The following ATG12 variants were observed in gnomAD, a reference collection of about 807,000 sequenced individuals.
ATG12 encodes autophagy related 12, also known as ubiquitin-like protein ATG12.
Under a neutral mutation model 17.6 loss-of-function variants are expected in ATG12, and 19 were observed. The observed-to-expected ratio is 1.08, with a 90% CI of 0.75 to 1.58. The LOEUF (loss-of-function observed/expected upper bound fraction) is 1.58, where lower values mean the gene tolerates loss of function less well. ATG12 is among the 40% of genes most tolerant of loss of function. The pLI is 0.00. For synonymous variants in ATG12, 75 were observed against 62.4 expected (o/e 1.20, Z -0.95); for missense variants, 214 against 162.0 (o/e 1.32, Z -1.74).
intron 2 of ATG12, chr5:115,835,308 G>A (rs566563701): frequency 1.4e-4 from 22 of 152,172 alleles, no homozygotes; most frequent in African/African-American, 4.6e-4. Flanking sequence ...AACACTGTAC[G>A]GGATTTGACC....
intron 2 of ATG12, chr5:115,834,068 T>C (rs1339262173): frequency 1.3e-5 from 2 of 152,212 alleles, no homozygotes; most frequent in East Asian, 3.8e-4. Flanking sequence ...AAATGTACAC[T>C]ACTCTAGCCT....
chr5:115,832,362 C>T (rs1027401211), intron 3 of ATG12, among the ~76,000 whole-genome samples: 3 of 151,814 alleles, frequency 2.0e-5, no homozygotes, highest in Non-Finnish European at 1.5e-5. Context: ...TAATTTATTC[C>T]TTGGTTCTTC....
intron 1 of ATG12, among the ~76,000 whole-genome samples, chr5:115,840,337 G>A (rs1404429664): frequency 2.2e-5 from 3 of 138,676 alleles, no homozygotes; most frequent in Non-Finnish European, 4.6e-5. Flanking sequence ...CGCTCTTGTT[G>A]TCCAGGCTGG....
At position 115,830,401 on chromosome 5, in the gene ATG12, G is replaced by A. The variant is rs1159025185; in HGVS notation, c.*1403C>T. ...GAATATAATTAAATATATTCCTTCAGTAAACTGAACTGGACAAAACTAGAG... is the reference window on the plus strand; with the variant it reads ...GAATATAATTAAATATATTCCTTCAATAAACTGAACTGGACAAAACTAGAG... On this transcript the variant is annotated 3_prime_UTR_variant, in exon 4 of 4. Coordinates refer to ENST00000509910, the MANE Select transcript of ATG12 (RefSeq NM_004707.4). The A allele has an allele frequency of 6.6e-6, 1 of 151,940 alleles. No individual in the cohort carries two copies. Among genetic ancestry groups the A allele is most frequent in the Non-Finnish European group, 1.5e-5 (1 of 68,002 alleles). 9.4% of individuals were successfully genotyped at this position (151,940 alleles called of 1,614,324 possible).
intron 2 of ATG12, chr5:115,835,241 G>A (rs1761044514): frequency 6.6e-6 from 1 of 152,010 alleles, no homozygotes; most frequent in Admixed American, 6.5e-5. Context: ...GTATATTTCT[G>A]GCTTGATTTC....
intron 2 of ATG12, chr5:115,832,932 A>T (rs1170933137): frequency 6.8e-6 from 2 of 294,276 alleles, no homozygotes; most frequent in African/African-American, 4.3e-5. Context: ...TATTTTTTAC[A>T]AATAGCTTTT....
At chr5:115,836,365 A>T (rs1039235161) in intron 2 of ATG12, among the ~76,000 whole-genome samples, 8 of 152,174 alleles carry the variant, frequency 5.3e-5, no homozygotes, top group African/African-American at 1.9e-4. Flanking sequence ...TTTCTAAACT[A>T]ATGCATTAAA....
chr5:115,837,254 A>G (rs541183137), intron 2 of ATG12, among the ~76,000 whole-genome samples: 2 of 152,152 alleles, frequency 1.3e-5, no homozygotes, highest in Non-Finnish European at 2.9e-5. Flanking sequence ...CTAACAAGAG[A>G]TAAGGCAGGG....
At chr5:115,833,468 G>C (rs1760969266) in intron 2 of ATG12, 1 of 151,978 alleles carries the variant, frequency 6.6e-6, no homozygotes, top group Admixed American at 6.6e-5. Flanking sequence ...ATCTCTCTTA[G>C]CCAATATAGT....
At chr5:115,832,383 T>C (rs1760908573) in intron 3 of ATG12, among the ~76,000 whole-genome samples, 1 of 152,046 alleles carries the variant, frequency 6.6e-6, no homozygotes. Flanking sequence ...AATCATTGTA[T>C]AATTTATTAA....
At chr5:115,833,787 AT>A (rs1372103147) in intron 2 of ATG12, 3 of 152,184 alleles carry the variant, frequency 2.0e-5, no homozygotes, top group African/African-American at 7.2e-5. Context: ...TATAATGTGA[AT>A]TTTTTGTAAT....
At chr5:115,841,289 G>A in intron 1 of ATG12, 101 bp downstream of exon 1, 1 of 1,495,028 alleles carries the variant, frequency 6.7e-7, no homozygotes, top group South Asian at 1.2e-5. Flanking sequence ...TGCAGGTCTA[G>A]GACAGGCGCT....
At position 115,839,983 on chromosome 5, in the gene ATG12, A is replaced by AT. The variant is rs939146664; in HGVS notation, c.163+1406dup. Among the ~76,000 whole-genome samples, 7 of 152,172 alleles carry AT rather than the reference A, an allele frequency of 4.6e-5. No individual in the cohort carries two copies. The South Asian group carries it at 6.2e-4, about 14-fold the overall frequency. On this transcript the variant is annotated intron_variant, in intron 1 of 3. Coordinates refer to ENST00000509910, the MANE Select transcript of ATG12 (RefSeq NM_004707.4). ...TCGGGCAATATTTAGATTGTAAGCC[A>AT]TTTTTTTTAGCTTTTGTTTTGCACA...
Position 115,831,644 on chromosome 5 carries a change from A to C in ATG12, c.*160T>G. 1 of 699,088 alleles carries C rather than the reference A, an allele frequency of 1.4e-6. No homozygotes were observed. The allele number at this position is 699,088 out of a possible 1,614,324, so 43.3% of individuals were successfully genotyped here. On this transcript the variant is annotated 3_prime_UTR_variant, in exon 4 of 4. Transcript: ENST00000509910. ...ATACAAATCACATTTTTCTGAGTCC[A>C]TTCATGCTATGGATGTTTTCTTATG...
At chr5:115,836,586 T>A in intron 2 of ATG12, among the ~76,000 whole-genome samples, 1 of 152,214 alleles carries the variant, frequency 6.6e-6, no homozygotes, top group East Asian at 1.9e-4. Flanking sequence ...CCTGCTTTAA[T>A]GATAGTTCAC....
rs917863507 is a variant in ATG12 at position 115,830,965 on chromosome 5, C to T, written c.*839G>A. Reference sequence around the variant, plus strand: ...TAAAATATACAATAAGGCTATTTTTCAATTATTGTTTTCAAGTTGGAAAAT... The same window carrying T: ...TAAAATATACAATAAGGCTATTTTTTAATTATTGTTTTCAAGTTGGAAAAT... On this transcript the variant is annotated 3_prime_UTR_variant, in exon 4 of 4. Coordinates refer to ENST00000509910, the MANE Select transcript of ATG12 (RefSeq NM_004707.4). 6 of 152,080 alleles carry T rather than the reference C, an allele frequency of 3.9e-5. No individual in the cohort carries two copies. The highest frequency in any genetic ancestry group is 1.4e-4 in the African/African-American group (6 of 41,410). The allele number at this position is 152,080 out of a possible 1,614,324, so 9.4% of individuals were successfully genotyped here. A position where few individuals can be genotyped will look rare whatever the true frequency, so the allele number is the denominator to read the frequency against.
intron 1 of ATG12, chr5:115,839,209 A>G (rs1358564347): frequency 6.6e-6 from 1 of 151,742 alleles, no homozygotes; most frequent in Admixed American, 6.6e-5. Context: ...AGTTAACTCT[A>G]TTCTATTACA....
rs377054108 is a variant in ATG12, at chr5:115,836,617, C to A, written c.300+1011G>T. Among the ~76,000 whole-genome samples the A allele has an allele frequency of 6.9e-4, 105 of 152,230 alleles. 2 individuals carry two copies. The East Asian group carries it at 0.02, about 28-fold the overall frequency. On this transcript the variant is annotated intron_variant, in intron 2 of 3. Coordinates refer to ENST00000509910, the MANE Select transcript of ATG12 (RefSeq NM_004707.4). ...TTCACTTGTTTTACCCATGCACACGCCTGTGTTCAGAAGCAAATATTTCCC... is the reference window on the plus strand; with the variant it reads ...TTCACTTGTTTTACCCATGCACACGACTGTGTTCAGAAGCAAATATTTCCC...
intron 1 of ATG12, 96 bp downstream of exon 1, chr5:115,841,294 G>C (rs959112527): frequency 2.0e-6 from 3 of 1,521,884 alleles, no homozygotes; most frequent in African/African-American, 2.8e-5. Flanking sequence ...GTCTAGGACA[G>C]GCGCTCCTCT....
Sources: gnomAD v4.1 joint callset for allele counts (sites outside exome capture counted in the v4.1 genomes callset) on GRCh38, gnomAD v4.1.1 for gene constraint, MANE v1.5 for transcripts, NCBI Gene and HGNC (gene_info 2026-07-23, HGNC 2026-07-21) for gene names.